Variants in NDUFA10 observed in about 807,000 individuals in gnomAD.
NDUFA10 encodes NADH:ubiquinone oxidoreductase subunit A10.
NDUFA10 carries 40 observed loss-of-function variants against 47.8 expected under a neutral mutation model. The observed-to-expected ratio is 0.84, with a 90% confidence interval of 0.65 to 1.09. NDUFA10 has a LOEUF of 1.09. NDUFA10 is among the 50% of genes least tolerant of loss of function. The pLI is 0.00. For missense variants in NDUFA10, 413 were observed against 451.1 expected (o/e 0.92, Z 0.76); for synonymous variants, 183 against 172.2 (o/e 1.06, Z -0.49).
At chr2:239,975,614 G>GC (rs1256015041) in intron 9 of NDUFA10, among the ~76,000 whole-genome samples, 1 of 152,218 alleles carries the variant, frequency 6.6e-6, no homozygotes, top group Admixed American at 6.5e-5. Flanking sequence ...CACAGAAGGT[G>GC]CTCGGGGTGA....
At chr2:239,973,951 T>G (rs763194911) in intron 9 of NDUFA10, among the ~76,000 whole-genome samples, 7 of 152,308 alleles carry the variant, frequency 4.6e-5, no homozygotes, top group Non-Finnish European at 8.8e-5. Context: ...TTTTTTGAGA[T>G]GGAGTCTCAC....
chr2:239,971,224 T>C (rs556298445), intron 9 of NDUFA10, among the ~76,000 whole-genome samples: 22 of 152,332 alleles, frequency 1.4e-4, no homozygotes, highest in South Asian at 1.0e-3. Flanking sequence ...TCTCAGGAAA[T>C]GTCATTCAGG....
At chr2:240,014,339 A>C (rs1472658146) in intron 5 of NDUFA10, 1 of 318,130 alleles carries the variant, frequency 3.1e-6, no homozygotes, top group Non-Finnish European at 6.2e-6. Flanking sequence ...AATAGATTGA[A>C]GTGATGAGGG....
At chr2:239,969,080 A>C (rs1466655831) in intron 9 of NDUFA10, among the ~76,000 whole-genome samples, 1 of 152,248 alleles carries the variant, frequency 6.6e-6, no homozygotes, top group Non-Finnish European at 1.5e-5. Context: ...AAAAACGTAA[A>C]ATTTGCAACG....
intron 5 of NDUFA10, chr2:240,013,675 AG>A (rs1697225268): frequency 1.3e-5 from 2 of 152,254 alleles, no homozygotes; most frequent in African/African-American, 4.8e-5. Flanking sequence ...AAGGAAAGTT[AG>A]TCCCATGGAT....
chr2:239,920,707 C>A (rs536072121), intron 4 of NDUFA10, among the ~76,000 whole-genome samples: 1 of 152,200 alleles, frequency 6.6e-6, no homozygotes, highest in African/African-American at 2.4e-5. Flanking sequence ...AAGGGAGGGG[C>A]TCCCAGGCCT....
intron 4 of NDUFA10, among the ~76,000 whole-genome samples, chr2:239,930,070 A>G (rs1293054945): frequency 1.2e-5 from 1 of 80,964 alleles, no homozygotes. Context: ...CTGCTTCTCC[A>G]CCGCCCCTGC....
At chr2:239,914,279 A>G (rs1011986333) in intron 4 of NDUFA10, among the ~76,000 whole-genome samples, 1 of 152,062 alleles carries the variant, frequency 6.6e-6, no homozygotes, top group Non-Finnish European at 1.5e-5. Context: ...ACAGACACAC[A>G]CAAATATAGA....
intron 9 of NDUFA10, chr2:239,976,597 A>T (rs1369042311): frequency 6.6e-6 from 1 of 152,302 alleles, no homozygotes; most frequent in Admixed American, 6.5e-5. Context: ...CAGGGTGTGG[A>T]AACTGGGTTG....
intron 4 of NDUFA10, among the ~76,000 whole-genome samples, chr2:239,930,625 A>AAAAGAAAGTTT (rs1694150939): frequency 6.6e-6 from 1 of 152,084 alleles, no homozygotes; most frequent in African/African-American, 2.4e-5. Context: ...AGTGGTGAGC[A>AAAAGAAAGTTT]CCAGGAAGGA....
chr2:239,912,686 C>T (rs774725839), intron 4 of NDUFA10, among the ~76,000 whole-genome samples: 46 of 152,300 alleles, frequency 3.0e-4, no homozygotes, highest in Non-Finnish European at 6.3e-4. Flanking sequence ...GCTGGGGCCA[C>T]ACATACCCCT....
intron 9 of NDUFA10, among the ~76,000 whole-genome samples, chr2:239,979,568 C>A (rs1261398331): frequency 6.7e-6 from 1 of 148,194 alleles, no homozygotes; most frequent in Non-Finnish European, 1.5e-5. Context: ...GGCAACAATG[C>A]CCCTGTTAAG....
At chr2:240,002,286 C>A (rs7609118) in intron 8 of NDUFA10, among the ~76,000 whole-genome samples, 55,473 of 145,242 alleles carry the variant, frequency 0.38, 11,476 homozygotes, top group African/African-American at 0.57. Flanking sequence ...GCTGAGATTG[C>A]GCCACTGCAC....
chr2:239,898,289 C>T (rs112798887), intron 4 of NDUFA10, among the ~76,000 whole-genome samples: 42 of 152,368 alleles, frequency 2.8e-4, no homozygotes, highest in African/African-American at 9.6e-4. Context: ...GCATTTCCTA[C>T]AGTACCTAGA....
chr2:239,916,947 G>A (rs13416476), intron 4 of NDUFA10, among the ~76,000 whole-genome samples: 27,148 of 152,082 alleles, frequency 0.18, 2,898 homozygotes, highest in African/African-American at 0.3. Context: ...TGCTGGCACC[G>A]TCCCAGGCTC....
intron 4 of NDUFA10, among the ~76,000 whole-genome samples, chr2:239,917,774 T>C (rs761725846): frequency 6.6e-6 from 1 of 152,236 alleles, no homozygotes; most frequent in Non-Finnish European, 1.5e-5. Flanking sequence ...GTTTTCCAGA[T>C]GTTAAGTCCG....
At chr2:239,910,472 A>T (rs1357754821) in intron 4 of NDUFA10, among the ~76,000 whole-genome samples, 1 of 152,176 alleles carries the variant, frequency 6.6e-6, no homozygotes, top group Non-Finnish European at 1.5e-5. Context: ...AGGAACAGAA[A>T]ACCAAACACC....
At chr2:239,944,712 G>A (rs995942355) in intron 4 of NDUFA10, among the ~76,000 whole-genome samples, 1 of 152,112 alleles carries the variant, frequency 6.6e-6, no homozygotes, top group Non-Finnish European at 1.5e-5. Flanking sequence ...AGTGCAGCTC[G>A]ACAGCCCCTG....
At position 240,022,162 on chromosome 2, in the gene NDUFA10, A is replaced by C; in HGVS notation, c.244+10T>G. 1.2e-6 allele frequency: 2 copies of C among 1,604,364 alleles called. No individual in the cohort carries two copies. Among genetic ancestry groups the C allele is most frequent in the Non-Finnish European group, 1.7e-6 (2 of 1,171,136 alleles). ...AAAAAGGTATCATTCTGTGTAACAT[A>C]AAATCATACCTAGTTTCTCTGCTAT... On this transcript the variant is annotated intron_variant, in intron 2 of 9. Coordinates refer to ENST00000252711, the MANE Select transcript of NDUFA10 (RefSeq NM_004544.4).
Sources: gnomAD v4.1 joint callset for allele counts (sites outside exome capture counted in the v4.1 genomes callset) on GRCh38, gnomAD v4.1.1 for gene constraint, MANE v1.5 for transcripts, NCBI Gene and HGNC (gene_info 2026-07-23, HGNC 2026-07-21) for gene names.